WDR20: variants seen among roughly 807,000 people sequenced by gnomAD.
The protein encoded by WDR20 is WD repeat domain 20.
Under a neutral mutation model 38.7 loss-of-function variants are expected in WDR20, and 3 were observed. The ratio of observed to expected loss-of-function variants is 0.08; its 90% CI spans 0.04 to 0.20. WDR20 has a LOEUF of 0.20. Ranked by LOEUF, WDR20 falls within the 10% of genes least tolerant of loss-of-function variation. The pLI, the probability that WDR20 is intolerant of heterozygous loss-of-function variation, is 1.00. For synonymous variants in WDR20, 298 were observed against 285.6 expected (o/e 1.04, Z -0.44); for missense variants, 559 against 727.7 (o/e 0.77, Z 2.67).
rs2063667431 is a variant in WDR20, at chr14:102,182,780, C to T, written c.250-12158C>T. ...TATTACCCCCTCTTTTAATGGTAGA[C>T]ACTTTTAATATTTTGGTGAATATCT... On this transcript the variant is annotated intron_variant, in intron 1 of 2. Coordinates refer to ENST00000342702, the MANE Select transcript of WDR20 (RefSeq NM_144574.4). Among the ~76,000 whole-genome samples, 3 of 151,946 alleles carry T rather than the reference C, an allele frequency of 2.0e-5. No homozygotes were observed. The South Asian group carries it at 6.2e-4, about 32-fold the overall frequency.
intron 2 of WDR20, among the ~76,000 whole-genome samples, chr14:102,202,216 C>T (rs1359406880): frequency 1.3e-5 from 2 of 151,822 alleles, no homozygotes; most frequent in African/African-American, 4.8e-5. Flanking sequence ...CCCTCTAGGG[C>T]TCAGCTTCCT....
chr14:102,166,445 T>C (rs559422674), intron 1 of WDR20, among the ~76,000 whole-genome samples: 3 of 152,318 alleles, frequency 2.0e-5, no homozygotes, highest in African/African-American at 7.2e-5. Context: ...CATATATCTG[T>C]GCATGCATGT....
rs538233551 is a variant in WDR20, at chr14:102,222,602, C to T, written c.1693-228C>T. Reference sequence around the variant, plus strand: ...CAGCCCTGCCCGCCCTTCTCTTGGACGGTATTGAGGCCACAGTATTGCACC... The same window carrying T: ...CAGCCCTGCCCGCCCTTCTCTTGGATGGTATTGAGGCCACAGTATTGCACC... On this transcript the variant is annotated intron_variant, in intron 3 of 3. Coordinates refer to the WDR20 transcript ENST00000335263. The surrounding 1 kb of genome is among the most constrained non-coding windows in gnomAD (Gnocchi z 4.4). 8.5e-5 allele frequency among the ~76,000 whole-genome samples: 13 copies of T among 152,294 alleles called. No homozygotes were observed. Among genetic ancestry groups the T allele is most frequent in the African/African-American group, 2.9e-4 (12 of 41,550 alleles).
At chr14:102,213,165 G>C (rs915833553), downstream of WDR20, 3 of 985,630 alleles carry the variant, frequency 3.0e-6, no homozygotes, top group Non-Finnish European at 3.6e-6. Context: ...CTGTGACTGC[G>C]ATGGGGCAGG....
At chr14:102,169,893 A>G (rs1327488873) in intron 1 of WDR20, among the ~76,000 whole-genome samples, 2 of 152,092 alleles carry the variant, frequency 1.3e-5, no homozygotes, top group East Asian at 1.9e-4. Context: ...TCATAGGCCT[A>G]TTTTATTTTT....
At chr14:102,199,401 T>G (rs1402363233) in intron 2 of WDR20, among the ~76,000 whole-genome samples, 2 of 151,884 alleles carry the variant, frequency 1.3e-5, no homozygotes, top group Non-Finnish European at 2.9e-5. Flanking sequence ...AGGGGTGGTG[T>G]TGGACGGAAA....
At chr14:102,211,375 G>A (rs948833077), downstream of WDR20, among the ~76,000 whole-genome samples, 2 of 151,894 alleles carry the variant, frequency 1.3e-5, no homozygotes, top group Admixed American at 6.6e-5. This position sits in a 1 kb window ranked among gnomAD's most constrained non-coding sequence, Gnocchi z 4.2. Context: ...TGCTCTTAAC[G>A]CAGCCCTCCC....
intron 1 of WDR20, among the ~76,000 whole-genome samples, chr14:102,181,959 A>G (rs1025424873): frequency 6.6e-6 from 1 of 152,124 alleles, no homozygotes; most frequent in Non-Finnish European, 1.5e-5. Flanking sequence ...TCAGTGTAAT[A>G]TTTTTATTTC....
chr14:102,219,680 C>T (rs888724969), downstream of WDR20, among the ~76,000 whole-genome samples: 3 of 152,240 alleles, frequency 2.0e-5, no homozygotes, highest in African/African-American at 4.8e-5. Context: ...CGGTGGCCAA[C>T]GTGCTTCCTG....
chr14:102,175,454 CAT>C (rs1305710760), intron 1 of WDR20, among the ~76,000 whole-genome samples: 11 of 152,102 alleles, frequency 7.2e-5, no homozygotes, highest in African/African-American at 2.7e-4. Context: ...TGACTATAGC[CAT>C]ATAGTATAGT....
chr14:102,209,171 T>C lies in WDR20; in HGVS notation c.1001T>C (p.Phe334Ser), dbSNP rs377130513. 9.9e-6 allele frequency: 16 copies of C among 1,614,032 alleles called. No homozygotes were observed. The highest frequency in any genetic ancestry group is 1.4e-5 in the Non-Finnish European group (16 of 1,180,020). ...GAGTTTAGTGGCAGCGATGAGGACTTCCAAGACCTTCTTCATTTTGGCAGA... is the reference window on the plus strand; with the variant it reads ...GAGTTTAGTGGCAGCGATGAGGACTCCCAAGACCTTCTTCATTTTGGCAGA... ...PMEFSGSDED[F>S]QDLLHFGRDR... The change falls in exon 3 of 3, where the codon TTC (phenylalanine) becomes TCC (serine). Residue 334 changes from phenylalanine (F) to serine (S), a missense_variant. Coordinates refer to ENST00000342702, the MANE Select transcript of WDR20 (RefSeq NM_144574.4). This position sits in a 1 kb window ranked among gnomAD's most constrained non-coding sequence, Gnocchi z 6.0.
At chr14:102,163,627 C>CAAAAAAAAAAAA (rs58628061) in intron 1 of WDR20, among the ~76,000 whole-genome samples, 2 of 62,822 alleles carry the variant, frequency 3.2e-5, no homozygotes, top group African/African-American at 1.6e-4. Context: ...GACTCTGTCT[C>CAAAAAAAAAAAA]AAAAAAAAAA....
At chr14:102,203,460 G>A (rs2060886000) in intron 2 of WDR20, among the ~76,000 whole-genome samples, 1 of 152,106 alleles carries the variant, frequency 6.6e-6, no homozygotes, top group South Asian at 2.1e-4. Flanking sequence ...GGACTGGGGA[G>A]TGCAAGCGTC....
chr14:102,144,987 C>T (rs1031940759), intron 1 of WDR20, among the ~76,000 whole-genome samples: 1 of 152,196 alleles, frequency 6.6e-6, no homozygotes, highest in African/African-American at 2.4e-5. Flanking sequence ...GCTCTATGTT[C>T]TTAGAGCATC....
At chr14:102,156,565 T>C (rs1236030699) in intron 1 of WDR20, among the ~76,000 whole-genome samples, 3 of 152,070 alleles carry the variant, frequency 2.0e-5, no homozygotes, top group African/African-American at 7.3e-5. Flanking sequence ...AATTTTTTTT[T>C]TTTGGAAACC....
Position 102,221,950 on chromosome 14 carries a change from C to T in WDR20, c.1693-880C>T, listed in dbSNP as rs1473768674. 6.6e-6 allele frequency among the ~76,000 whole-genome samples: 1 copy of T among 152,168 alleles called. No homozygotes were observed. Among genetic ancestry groups the T allele is most frequent in the East Asian group, 1.9e-4 (1 of 5,198 alleles). On this transcript the variant is annotated intron_variant, in intron 3 of 3. Coordinates refer to the WDR20 transcript ENST00000335263. The surrounding 1 kb of genome is among the most constrained non-coding windows in gnomAD (Gnocchi z 4.8). ...TCTTAATGTTCTTCATAAATGAACGCCACACTTTGATGTAATGTAATTGCT... is the reference window on the plus strand; with the variant it reads ...TCTTAATGTTCTTCATAAATGAACGTCACACTTTGATGTAATGTAATTGCT...
chr14:102,156,556 AT>A lies in WDR20; in HGVS notation c.249+16396del, dbSNP rs937733336. Among the ~76,000 whole-genome samples, 85 of 146,202 alleles carry A rather than the reference AT, an allele frequency of 5.8e-4. 1 individual carries two copies. The highest frequency in any genetic ancestry group is 1.9e-3 in the South Asian group (9 of 4,618). On this transcript the variant is annotated intron_variant, in intron 1 of 2. Coordinates refer to ENST00000342702, the MANE Select transcript of WDR20 (RefSeq NM_144574.4). ...TAATACAACTGTACTTTAATGTAGA[AT>A]TTTTTTTTTTTGGAAACCGGGTCTC...
Position 102,209,839 on chromosome 14 carries a change from A to G in WDR20, c.1669A>G (p.Thr557Ala), listed in dbSNP as rs773368396. 6.2e-7 allele frequency: 1 copy of G among 1,613,422 alleles called. No individual in the cohort carries two copies. The highest frequency in any genetic ancestry group is 1.7e-5 in the Admixed American group (1 of 60,002). Residue 557 changes from threonine (T) to alanine (A), a missense_variant, in exon 3 of 3, where the codon ACA becomes GCA. Thr to Ala is a moderately conservative substitution (Grantham distance 58, BLOSUM62 0). Transcript: ENST00000342702. This position sits in a 1 kb window ranked among gnomAD's most constrained non-coding sequence, Gnocchi z 6.0. The stretch of plus-strand genomic sequence containing the variant: ...TGCTTGTCAGGAGGGATTTATTTGC[A>G]CATGGGGAAGGCCTGGTAAAGTGGT... ...VTACQEGFIC[T>A]WGRPGKVVSF...
chr14:102,139,921 A>G lies in WDR20; in HGVS notation c.-3A>G, dbSNP rs191463145. ...TAGGGCAGGATGAACGCTGCTTTCCAAGATGGCGACGGAGGGAGGAGGGAA... is the reference window on the plus strand; with the variant it reads ...TAGGGCAGGATGAACGCTGCTTTCCGAGATGGCGACGGAGGGAGGAGGGAA... On this transcript the variant is annotated 5_prime_UTR_variant, in exon 1 of 3. Coordinates refer to ENST00000342702, the MANE Select transcript of WDR20 (RefSeq NM_144574.4). 1.0e-4 allele frequency: 164 copies of G among 1,612,002 alleles called. No homozygotes were observed. The highest frequency in any genetic ancestry group is 2.2e-5 in the South Asian group (2 of 91,068).
Sources: allele counts gnomAD v4.1 joint callset (sites outside exome capture counted in the v4.1 genomes callset), GRCh38; gene constraint gnomAD v4.1.1; non-coding constraint Gnocchi (gnomAD v3.1); transcripts MANE v1.5; gene names NCBI Gene and HGNC (gene_info 2026-07-23, HGNC 2026-07-21).